The following SLC5A8 variants were observed in gnomAD, a reference collection of about 807,000 sequenced individuals.
SLC5A8 encodes solute carrier family 5 member 8, also known as sodium-coupled monocarboxylate transporter 1.
SLC5A8 carries 55 observed loss-of-function variants against 71.9 expected under a neutral mutation model. The observed-to-expected ratio is 0.77, with a 90% CI of 0.62 to 0.96. SLC5A8 has a LOEUF of 0.96. Among genes scored for constraint, SLC5A8 ranks in the 40% least tolerant of loss-of-function variants. The pLI is 0.00. For synonymous variants in SLC5A8, 307 were observed against 276.1 expected, an observed-to-expected ratio of 1.11 and a Z score of -1.11; for missense variants, 701 against 745.3, an observed-to-expected ratio of 0.94 and a Z score of 0.69.
intron 13 of SLC5A8, among the ~76,000 whole-genome samples, chr12:101,160,967 T>C (rs925867361): frequency 6.6e-6 from 1 of 152,120 alleles, no homozygotes; most frequent in Non-Finnish European, 1.5e-5. Flanking sequence ...CTGAAGGGCA[T>C]GGATCTTCAG....
chr12:101,172,352 T>A (rs919332704), intron 10 of SLC5A8, among the ~76,000 whole-genome samples: 1 of 152,062 alleles, frequency 6.6e-6, no homozygotes, highest in Non-Finnish European at 1.5e-5. Context: ...AAGGTGGAAG[T>A]TGATGCTCAG....
At chr12:101,207,946 A>G (rs1291427337) in intron 1 of SLC5A8, among the ~76,000 whole-genome samples, 1 of 152,168 alleles carries the variant, frequency 6.6e-6, no homozygotes, top group South Asian at 2.1e-4. Context: ...TAAGACTTCA[A>G]TATAGAAGTT....
At chr12:101,204,695 A>C in intron 1 of SLC5A8, 130 bp from the exon 2 acceptor site, 1 of 649,262 alleles carries the variant, frequency 1.5e-6, no homozygotes. Context: ...TTTTTATTTT[A>C]GTGTTATTTT....
chr12:101,155,939 C>T lies in SLC5A8; in HGVS notation c.*1340G>A, dbSNP rs191991683. 1 of 147,236 alleles carries T rather than the reference C, an allele frequency of 6.8e-6. No individual in the cohort carries two copies. Among genetic ancestry groups the T allele is most frequent in the African/African-American group, 2.6e-5 (1 of 38,602 alleles). 9.1% of individuals were successfully genotyped at this position (147,236 alleles called of 1,614,324 possible). On this transcript the variant is annotated 3_prime_UTR_variant, in exon 15 of 15. Transcript: ENST00000536262. ...AACATTTGTATGTATCTAAATATTT[C>T]TCTTATGTTTCTAAAAAAAATTGAG...
chr12:101,197,240 G>T (rs942145574), intron 3 of SLC5A8, among the ~76,000 whole-genome samples: 2 of 152,182 alleles, frequency 1.3e-5, no homozygotes, highest in Admixed American at 6.5e-5. Context: ...ATAAGAGGAA[G>T]TTTCTCTTTA....
chr12:101,158,517 G>T (rs2051688891), intron 13 of SLC5A8, among the ~76,000 whole-genome samples, 189 bp from the exon 14 acceptor site: 1 of 137,544 alleles, frequency 7.3e-6, no homozygotes, highest in Non-Finnish European at 1.5e-5. Context: ...ATTAGCCCCA[G>T]GTCTTGAAAG....
chr12:101,184,979 C>A (rs929738842), intron 7 of SLC5A8, among the ~76,000 whole-genome samples: 1 of 152,226 alleles, frequency 6.6e-6, no homozygotes, highest in Non-Finnish European at 1.5e-5. Context: ...GGACAATTTT[C>A]TCGAAGAGTG....
In SLC5A8 at chr12:101,162,470, C is replaced by G. The variant is rs2051732939; in HGVS notation, c.1527-393G>C. The stretch of plus-strand genomic sequence containing the variant: ...ATGTTCATCGCAGCACTATTCCCAA[C>G]AGCAAAGACATGCAATCAACCTAGG... On this transcript the variant is annotated intron_variant, in intron 12 of 14. Coordinates refer to ENST00000536262, the MANE Select transcript of SLC5A8 (RefSeq NM_145913.5). Among the ~76,000 whole-genome samples the G allele has an allele frequency of 2.0e-5, 3 of 152,154 alleles. No individual in the cohort carries two copies. The South Asian group carries it at 6.2e-4, about 32-fold the overall frequency.
rs557678817 is a variant in SLC5A8 at position 101,203,945 on chromosome 12, C to T, written c.417+555G>A. Among the ~76,000 whole-genome samples the T allele has an allele frequency of 2.9e-5, 3 of 103,690 alleles. No homozygotes were observed. In the East Asian group the frequency reaches 1.0e-3, roughly 35 times the overall value. The allele number at this position is 103,690 out of a possible 152,430, so 68.0% of individuals were successfully genotyped here. A position where few individuals can be genotyped will look rare whatever the true frequency, so the allele number is the denominator to read the frequency against. ...GAGTATTTGGCTTTAAAGAGTCCTC[C>T]AGAGTTTTGATTCTGTTGTTTTACA... On this transcript the variant is annotated intron_variant, in intron 2 of 14. Transcript: ENST00000536262.
Position 101,187,464 on chromosome 12 carries a change from C to T in SLC5A8, c.885G>A (p.Val295=). The change falls in exon 7 of 15, where the codon GTG becomes GTA. Residue 295 remains valine (V), a synonymous_variant. Coordinates refer to ENST00000536262, the MANE Select transcript of SLC5A8 (RefSeq NM_145913.5). ...TGGAATATAGGGCGAGCCCACAAAACACTGAGCATGTGAGGATTGCCCAGA... is the reference window on the plus strand; with the variant it reads ...TGGAATATAGGGCGAGCCCACAAAATACTGAGCATGTGAGGATTGCCCAGA... ...VGLWAILTCS[V]FCGLALYSRY... The T allele has an allele frequency of 1.2e-6, 2 of 1,614,012 alleles. No individual in the cohort carries two copies. The highest frequency in any genetic ancestry group is 1.7e-6 in the Non-Finnish European group (2 of 1,179,952).
At chr12:101,165,197 C>A (rs550242797) in intron 12 of SLC5A8, among the ~76,000 whole-genome samples, 2 of 152,218 alleles carry the variant, frequency 1.3e-5, no homozygotes, top group Non-Finnish European at 2.9e-5. Flanking sequence ...TGTTTATTAG[C>A]TGAAATATTT....
At chr12:101,183,135 TC>T (rs1868446682) in intron 8 of SLC5A8, among the ~76,000 whole-genome samples, 2 of 140,196 alleles carry the variant, frequency 1.4e-5, no homozygotes, top group African/African-American at 5.2e-5. Context: ...AAGCTCTGCC[TC>T]CCGGGTTCAC....
chr12:101,166,687 C>T lies in SLC5A8; in HGVS notation c.1333G>A (p.Gly445Ser), dbSNP rs202027638. 1.2e-6 allele frequency: 2 copies of T among 1,608,166 alleles called. No homozygotes were observed. Among genetic ancestry groups the T allele is most frequent in the Non-Finnish European group, 8.5e-7 (1 of 1,177,706 alleles). The part of the protein sequence containing the change: ...PFANSIGALV[G>S]LMAGFAISLW... ...GAAATGGCAAATCCAGCCATCAGAC[C>T]AACAAGTGCTCCCTGTAAAACAAGA... Residue 445 changes from glycine to serine, a missense_variant, in exon 12 of 15, where the codon GGT becomes AGT. Transcript: ENST00000536262.
intron 10 of SLC5A8, among the ~76,000 whole-genome samples, chr12:101,172,677 G>A (rs2051841123): frequency 6.6e-6 from 1 of 152,128 alleles, no homozygotes; most frequent in Admixed American, 6.5e-5. Context: ...GTGCAAAGAA[G>A]GCAGCCCGCT....
At position 101,156,170 on chromosome 12, in the gene SLC5A8, A is replaced by G. The variant is rs1198748580; in HGVS notation, c.*1109T>C. On this transcript the variant is annotated 3_prime_UTR_variant, in exon 15 of 15. Transcript: ENST00000536262. ...TTTAAAAAAAGTAGTGTTTGCTTAT[A>G]TAATTTAGCCCTTTAACTGGATAAA... 1 of 152,202 alleles carries G rather than the reference A, an allele frequency of 6.6e-6. No individual in the cohort carries two copies. The highest frequency in any genetic ancestry group is 1.5e-5 in the Non-Finnish European group (1 of 68,040). 9.4% of individuals were successfully genotyped at this position (152,202 alleles called of 1,614,324 possible).
intron 10 of SLC5A8, among the ~76,000 whole-genome samples, chr12:101,173,744 T>C (rs2051853640): frequency 6.6e-6 from 1 of 152,202 alleles, no homozygotes; most frequent in African/African-American, 2.4e-5. Context: ...TGCTTCTAAG[T>C]CCCTAGCTGG....
At position 101,195,118 on chromosome 12, in the gene SLC5A8, C is replaced by T. The variant is rs763055099; in HGVS notation, c.514G>A (p.Val172Ile). The change falls in exon 4 of 15, where the codon GTC becomes ATC. Residue 172 changes from valine (V) to isoleucine (I), a missense_variant. By Grantham distance (29) the Val-to-Ile change is conservative (BLOSUM62 3). Coordinates refer to ENST00000536262, the MANE Select transcript of SLC5A8 (RefSeq NM_145913.5). ...LWGAVVATGV[V>I]CTFYCTLGGL... Reference sequence around the variant, plus strand: ...ACCAGTGTGCAGTAGAATGTGCAGACCACCCCCGTTGCCACTACCGCGCCC... The same window carrying T: ...ACCAGTGTGCAGTAGAATGTGCAGATCACCCCCGTTGCCACTACCGCGCCC... 1 of 1,614,076 alleles carries T rather than the reference C, an allele frequency of 6.2e-7. No homozygotes were observed. Among genetic ancestry groups the T allele is most frequent in the African/African-American group, 1.3e-5 (1 of 74,990 alleles).
At chr12:101,166,175 T>G (rs2051767586) in intron 12 of SLC5A8, among the ~76,000 whole-genome samples, 1 of 152,206 alleles carries the variant, frequency 6.6e-6, no homozygotes, top group Admixed American at 6.5e-5. Flanking sequence ...CTTTCCATTT[T>G]AAAAGTTTTT....
chr12:101,187,629 T>C, intron 6 of SLC5A8, 114 bp from the exon 7 acceptor site: 1 of 1,134,148 alleles, frequency 8.8e-7, no homozygotes, highest in Non-Finnish European at 1.2e-6. Flanking sequence ...TAAATGTACA[T>C]TATCTTTTGA....
Sources: allele counts gnomAD v4.1 joint callset (sites outside exome capture counted in the v4.1 genomes callset), GRCh38; gene constraint gnomAD v4.1.1; transcripts MANE v1.5; gene names NCBI Gene and HGNC (gene_info 2026-07-23, HGNC 2026-07-21).